The following METTL6 variants were observed in gnomAD, a reference collection of about 807,000 sequenced individuals.
METTL6 encodes methyltransferase 6, tRNA N3-cytidine.
METTL6 carries 22 observed loss-of-function variants against 26.4 expected under a neutral mutation model. The observed-to-expected ratio is 0.83, with a 90% CI of 0.59 to 1.19. METTL6 has a LOEUF of 1.19. Among genes scored for constraint, METTL6 ranks in the 50% most tolerant of loss-of-function variants. The probability of loss-of-function intolerance (pLI) is 0.00; values close to 1 mark genes in which losing one functional copy is unlikely to be tolerated. For missense variants in METTL6, 304 were observed against 324.8 expected (o/e 0.94, Z 0.49); for synonymous variants, 109 against 116.2 (o/e 0.94, Z 0.40).
chr3:15,395,146 A>G (rs1699453154), intron 6 of METTL6, among the ~76,000 whole-genome samples: 1 of 152,200 alleles, frequency 6.6e-6, no homozygotes, highest in Non-Finnish European at 1.5e-5. Flanking sequence ...GTCTCTTTGT[A>G]GGTCTCTAAG....
At position 15,415,009 on chromosome 3, in the gene METTL6, C is replaced by T. The variant is rs191574776; in HGVS notation, c.531+763G>A. On this transcript the variant is annotated intron_variant, in intron 4 of 5. Coordinates refer to ENST00000383790, the MANE Select transcript of METTL6 (RefSeq NM_152396.4). ...CTTGCAACATTTTATTCACCATCTC[C>T]TAGTACTCAAACTGTATTCAACTGT... 6.4e-6 allele frequency: 7 copies of T among 1,099,516 alleles called. No individual in the cohort carries two copies. In the East Asian group the frequency reaches 4.4e-4, roughly 68 times the overall value. 68.1% of individuals were successfully genotyped at this position (1,099,516 alleles called of 1,614,324 possible).
At chr3:15,413,938 C>A in intron 5 of METTL6, 83 bp downstream of exon 5, 1 of 1,599,784 alleles carries the variant, frequency 6.3e-7, no homozygotes, top group East Asian at 2.3e-5. Context: ...AAGCCTTCTC[C>A]AAGCAGCCTT....
chr3:15,392,810 T>C (rs1456170912), intron 6 of METTL6, among the ~76,000 whole-genome samples: 2 of 152,172 alleles, frequency 1.3e-5, no homozygotes, highest in Admixed American at 6.5e-5. Flanking sequence ...TAGTTGTAGA[T>C]ATGTGGCATT....
intron 3 of METTL6, among the ~76,000 whole-genome samples, chr3:15,422,599 C>G (rs1291208159): frequency 1.3e-5 from 2 of 151,950 alleles, no homozygotes; most frequent in African/African-American, 4.8e-5. Context: ...GCACTCCAGC[C>G]TGGGTGACAA....
At chr3:15,425,981 A>G (rs111784090) in intron 2 of METTL6, among the ~76,000 whole-genome samples, 77 of 152,186 alleles carry the variant, frequency 5.1e-4, no homozygotes, top group African/African-American at 1.4e-3. Context: ...TCGTTCTGTC[A>G]CCAGGCTGGA....
chr3:15,393,510 C>G (rs1319569862), intron 6 of METTL6, among the ~76,000 whole-genome samples: 1 of 152,162 alleles, frequency 6.6e-6, no homozygotes, highest in Non-Finnish European at 1.5e-5. Context: ...CCTGATTTCC[C>G]TGGCCAGAAC....
chr3:15,404,365 G>A (rs961494374), intron 6 of METTL6, among the ~76,000 whole-genome samples: 4 of 152,034 alleles, frequency 2.6e-5, no homozygotes, highest in African/African-American at 7.2e-5. Context: ...TATTTGAGAC[G>A]GAGTTTTGCT....
chr3:15,406,566 GAA>G (rs547902420), downstream of METTL6, among the ~76,000 whole-genome samples: 2 of 87,032 alleles, frequency 2.3e-5, no homozygotes, highest in Non-Finnish European at 2.2e-5. Context: ...ACCCAGCCAT[GAA>G]AAAAAAAAAA....
At chr3:15,389,952 A>C (rs1452286169) in intron 6 of METTL6, among the ~76,000 whole-genome samples, 3 of 151,216 alleles carry the variant, frequency 2.0e-5, no homozygotes, top group Non-Finnish European at 4.4e-5. Context: ...TCTTGGGCTC[A>C]AGGGATCCTC....
rs111744874 is a variant in METTL6, at chr3:15,426,797, G to A, written c.-124-162C>T. ...AACACACAGTCCCTACCTTCAGTGG[G>A]CTTACATTCATTTCAGTGGCCAGAC... On this transcript the variant is annotated intron_variant, in intron 1 of 5. Coordinates refer to ENST00000383790, the MANE Select transcript of METTL6 (RefSeq NM_152396.4). 7.6e-3 allele frequency among the ~76,000 whole-genome samples: 1,155 copies of A among 152,288 alleles called. 23 individuals are homozygous for A. The highest frequency in any genetic ancestry group is 0.027 in the African/African-American group (1,107 of 41,572).
rs1043206419 is a variant in METTL6, at chr3:15,421,008, T to C, written c.360+3947A>G. 2.5e-4 allele frequency among the ~76,000 whole-genome samples: 38 copies of C among 152,322 alleles called. 1 individual carries two copies. The highest frequency in any genetic ancestry group is 8.4e-4 in the African/African-American group (35 of 41,580). On this transcript the variant is annotated intron_variant, in intron 3 of 5. Coordinates refer to ENST00000383790, the MANE Select transcript of METTL6 (RefSeq NM_152396.4). Reference sequence around the variant, plus strand: ...ATCCTCTGGGAGTGACCTTTGTTAATTGACCTCTTAGAACTAGACATAGTC... The same window carrying C: ...ATCCTCTGGGAGTGACCTTTGTTAACTGACCTCTTAGAACTAGACATAGTC...
downstream of METTL6, among the ~76,000 whole-genome samples, chr3:15,408,206 T>C (rs1287940434): frequency 6.6e-6 from 1 of 152,192 alleles, no homozygotes; most frequent in Admixed American, 6.5e-5. Flanking sequence ...GTGGGGACAG[T>C]GACTGGAACG....
At chr3:15,404,328 A>C (rs1699730194) in intron 6 of METTL6, among the ~76,000 whole-genome samples, 1 of 152,026 alleles carries the variant, frequency 6.6e-6, no homozygotes, top group Non-Finnish European at 1.5e-5. Flanking sequence ...AGGAAAAGTG[A>C]AAAACATCTG....
At chr3:15,427,597 C>CCT (rs1382354035), upstream of METTL6, 1 of 601,604 alleles carries the variant, frequency 1.7e-6, no homozygotes, top group South Asian at 2.0e-5. Context: ...TCCTCAGATT[C>CCT]CTCTCTCACC....
intron 5 of METTL6, among the ~76,000 whole-genome samples, chr3:15,412,474 A>T (rs1208649313): frequency 6.6e-6 from 1 of 151,536 alleles, no homozygotes; most frequent in East Asian, 1.9e-4. Flanking sequence ...ATAATTTTGC[A>T]TTTTGTTTTG....
chr3:15,393,065 T>C (rs1474372818), intron 6 of METTL6, among the ~76,000 whole-genome samples: 2 of 152,228 alleles, frequency 1.3e-5, no homozygotes, highest in Non-Finnish European at 2.9e-5. Flanking sequence ...GGGATGGCAT[T>C]GAATCTATAA....
chr3:15,405,247 C>T (rs1260603071), downstream of METTL6, among the ~76,000 whole-genome samples: 2 of 152,308 alleles, frequency 1.3e-5, no homozygotes, highest in Middle Eastern at 3.4e-3. Flanking sequence ...AGACGCCTTT[C>T]GAGCCCATCA....
intron 6 of METTL6, among the ~76,000 whole-genome samples, chr3:15,400,823 T>C (rs1475277189): frequency 6.6e-6 from 1 of 152,206 alleles, no homozygotes; most frequent in Non-Finnish European, 1.5e-5. Flanking sequence ...GTGAAGTTTT[T>C]TCCCCCATAT....
At chr3:15,412,598 C>G in intron 5 of METTL6, among the ~76,000 whole-genome samples, 1 of 152,012 alleles carries the variant, frequency 6.6e-6, no homozygotes, top group Admixed American at 6.6e-5. Context: ...GATCCTCTTG[C>G]CTCAGCCTCC....
Sources: allele counts gnomAD v4.1 joint callset (sites outside exome capture counted in the v4.1 genomes callset), GRCh38; gene constraint gnomAD v4.1.1; transcripts MANE v1.5; gene names NCBI Gene and HGNC (gene_info 2026-07-23, HGNC 2026-07-21).